ITGAV: variants seen among roughly 807,000 people sequenced by gnomAD.
The protein encoded by ITGAV is integrin alpha-V.
A neutral mutation model predicts 143.8 loss-of-function variants in ITGAV; 76 were observed. The ratio of observed to expected loss-of-function variants is 0.53; its 90% confidence interval spans 0.44 to 0.64. The LOEUF is 0.64. Among genes scored for constraint, ITGAV ranks in the 30% least tolerant of loss-of-function variants. The probability of loss-of-function intolerance (pLI) is 0.00; values close to 1 mark genes in which losing one functional copy is unlikely to be tolerated. For synonymous variants in ITGAV, 453 were observed against 446.7 expected (o/e 1.01, Z -0.18); for missense variants, 1,193 against 1,274.7 (o/e 0.94, Z 0.98).
At chr2:186,654,252 G>C (rs1688521341) in intron 15 of ITGAV, among the ~76,000 whole-genome samples, 2 of 151,198 alleles carry the variant, frequency 1.3e-5, no homozygotes, top group Admixed American at 1.3e-4. Flanking sequence ...AGAATTGCTT[G>C]AATCCAGGAG....
At chr2:186,624,197 T>C (rs1384856687) in intron 3 of ITGAV, among the ~76,000 whole-genome samples, 3 of 152,340 alleles carry the variant, frequency 2.0e-5, no homozygotes, top group African/African-American at 7.2e-5. Context: ...AAGTTGTCTT[T>C]ATGATTTCTA....
In ITGAV at chr2:186,625,581, A is replaced by G. The variant is rs749768346; in HGVS notation, c.517A>G (p.Arg173Gly). ...AAAGACTGTTGAGTATGCTCCATGT[A>G]GATCACGTATGTATAGGATATTGTA... is the stretch of plus-strand genomic sequence containing the variant. ...GTKTVEYAPC[R>G]SQDIDADGQG... is the part of the protein sequence containing the mutation. Residue 173 changes from arginine to glycine, a missense_variant, in exon 4 of 30, where the codon AGA (arginine) becomes GGA (glycine). Coordinates refer to ENST00000261023, the MANE Select transcript of ITGAV (RefSeq NM_002210.5). 1.2e-6 allele frequency: 2 copies of G among 1,607,808 alleles called. No individual in the cohort carries two copies. The highest frequency in any genetic ancestry group is 2.7e-5 in the African/African-American group (2 of 74,700).
chr2:186,641,718 G>T, intron 12 of ITGAV, 130 bp downstream of exon 12: 6 of 681,082 alleles, frequency 8.8e-6, no homozygotes, highest in Non-Finnish European at 1.5e-5. Flanking sequence ...GTGTAAGTGA[G>T]TAACACACCA....
intron 17 of ITGAV, among the ~76,000 whole-genome samples, chr2:186,657,874 A>C (rs1688633632): frequency 6.6e-6 from 1 of 152,164 alleles, no homozygotes; most frequent in Non-Finnish European, 1.5e-5. Context: ...ACAAAACGAC[A>C]AAGCCCAGAT....
At chr2:186,611,372 C>A (rs1687211871) in intron 2 of ITGAV, among the ~76,000 whole-genome samples, 3 of 152,140 alleles carry the variant, frequency 2.0e-5, no homozygotes, top group Admixed American at 2.0e-4. Context: ...TATGTATTTT[C>A]TTTTTTAATT....
chr2:186,676,020 T>A, intron 28 of ITGAV, 93 bp downstream of exon 28: 4 of 695,802 alleles, frequency 5.7e-6, no homozygotes, highest in Non-Finnish European at 9.9e-6. Context: ...ACAGCTTAAC[T>A]TTTTTGATAA....
rs1307672391 is a variant in ITGAV, at chr2:186,677,248, C to G, written c.3103C>G (p.Gln1035Glu). 2 of 1,613,732 alleles carry G rather than the reference C, an allele frequency of 1.2e-6. No homozygotes were observed. Among genetic ancestry groups the G allele is most frequent in the Non-Finnish European group, 8.5e-7 (1 of 1,179,766 alleles). The change falls in exon 30 of 30, where the codon CAG (glutamine) becomes GAG (glutamate). Residue 1035 changes from glutamine to glutamate, a missense_variant. By Grantham distance (29) the Gln-to-Glu change is conservative. Transcript: ENST00000261023. The part of the protein sequence containing the change: ...RPPQEEQERE[Q>E]LQPHENGEGN... ...ACCTCAAGAAGAACAAGAAAGGGAG[C>G]AGCTTCAACCTCATGAAAATGGTGA...
chr2:186,646,820 C>T lies in ITGAV; in HGVS notation c.1294C>T (p.Pro432Ser), dbSNP rs1688275987. The change falls in exon 13 of 30, where the codon CCA (proline) becomes TCA (serine). Residue 432 changes from proline to serine, a missense_variant. Coordinates refer to ENST00000261023, the MANE Select transcript of ITGAV (RefSeq NM_002210.5). Reference sequence around the variant, plus strand: ...GCAGTGGGCTGCTCGAAGCATGCCACCAAGCTTTGGCTATTCAATGAAAGG... The same window carrying T: ...GCAGTGGGCTGCTCGAAGCATGCCATCAAGCTTTGGCTATTCAATGAAAGG... ...EGQWAARSMP[P>S]SFGYSMKGAT... is the part of the protein sequence containing the mutation. 5.0e-6 allele frequency: 8 copies of T among 1,610,944 alleles called. No homozygotes were observed. The highest frequency in any genetic ancestry group is 6.8e-6 in the Non-Finnish European group (8 of 1,177,928).
intron 26 of ITGAV, among the ~76,000 whole-genome samples, chr2:186,672,174 TCTC>T (rs1394959630): frequency 6.6e-6 from 1 of 151,974 alleles, no homozygotes; most frequent in African/African-American, 2.4e-5. Flanking sequence ...GGATGCTTGA[TCTC>T]CTGACCTCGT....
chr2:186,615,603 T>C (rs1651195858), intron 2 of ITGAV, among the ~76,000 whole-genome samples: 2 of 152,192 alleles, frequency 1.3e-5, no homozygotes, highest in Admixed American at 1.3e-4. Context: ...TTATTTCTTC[T>C]TTGGAGAAAC....
intron 1 of ITGAV, among the ~76,000 whole-genome samples, chr2:186,596,151 T>C (rs1367776400): frequency 6.6e-6 from 1 of 152,252 alleles, no homozygotes; most frequent in Non-Finnish European, 1.5e-5. Context: ...TTATTTATTA[T>C]CACCTTCAGA....
intron 10 of ITGAV, among the ~76,000 whole-genome samples, 166 bp downstream of exon 10, chr2:186,638,631 CGTGTGT>C (rs34535817): frequency 0.12 from 17,545 of 144,712 alleles, 1,109 homozygotes; most frequent in South Asian, 0.18. Context: ...CTCTTTTGAG[CGTGTGT>C]GTGTGTGTGT....
Position 186,636,210 on chromosome 2 carries a change from A to T in ITGAV, c.757+3A>T, listed in dbSNP as rs778900176. The T allele has an allele frequency of 6.2e-7, 1 of 1,607,356 alleles. No individual in the cohort carries two copies. Among genetic ancestry groups the T allele is most frequent in the South Asian group, 1.1e-5 (1 of 89,532 alleles). ...TATTTTTGATGACAGCTATTTGGGT[A>T]GGTAAAACCAAAATTTACTCATTTT... On this transcript the variant is annotated splice_donor_region_variant and intron_variant, in intron 7 of 29. Transcript: ENST00000261023.
intron 18 of ITGAV, among the ~76,000 whole-genome samples, chr2:186,660,983 T>A (rs1688728510): frequency 6.6e-6 from 1 of 152,218 alleles, no homozygotes; most frequent in Non-Finnish European, 1.5e-5. Context: ...TTTAACTTAA[T>A]AACTTCTTGA....
rs199902091 is a variant in ITGAV at position 186,663,831 on chromosome 2, G to C, written c.1921G>C (p.Asp641His). The stretch of plus-strand genomic sequence containing the variant: ...TAAACCCAAGCTGGAAGTTTCTGTA[G>C]ATAGGTAAGTTTTGCTTGAAATAAT... ...VCKPKLEVSV[D>H]SDQKKIYIGD... The change falls in exon 19 of 30, where the codon GAT becomes CAT. Residue 641 changes from aspartate to histidine, a missense_variant. Asp to His is a moderately conservative substitution (Grantham distance 81). Transcript: ENST00000261023. The C allele has an allele frequency of 1.6e-5, 26 of 1,606,858 alleles. No individual in the cohort carries two copies. The highest frequency in any genetic ancestry group is 2.1e-5 in the Non-Finnish European group (25 of 1,173,964).
chr2:186,679,800 T>C lies in ITGAV; in HGVS notation c.*2508T>C, dbSNP rs1345419600. On this transcript the variant is annotated 3_prime_UTR_variant, in exon 30 of 30. Coordinates refer to ENST00000261023, the MANE Select transcript of ITGAV (RefSeq NM_002210.5). ...TTCTGTTTCTCTTTTCTCTTAACGA[T>C]TATCACTGTAATTCTGAATCTGAAA... The C allele has an allele frequency of 6.6e-6, 1 of 152,044 alleles. No homozygotes were observed. The highest frequency in any genetic ancestry group is 2.4e-5 in the African/African-American group (1 of 41,452). 9.4% of individuals were successfully genotyped at this position (152,044 alleles called of 1,614,324 possible).
intron 14 of ITGAV, among the ~76,000 whole-genome samples, chr2:186,651,411 T>G (rs911965855): frequency 2.2e-4 from 33 of 152,196 alleles, no homozygotes; most frequent in African/African-American, 7.5e-4. Flanking sequence ...AATTGTATAA[T>G]GTACGTGGTA....
intron 1 of ITGAV, among the ~76,000 whole-genome samples, chr2:186,596,633 A>T (rs1185019111): frequency 1.3e-5 from 2 of 151,994 alleles, no homozygotes; most frequent in African/African-American, 4.8e-5. Flanking sequence ...CCCTGACCTT[A>T]AGTGATCCTC....
chr2:186,646,359 G>T (rs1378168273), intron 12 of ITGAV, among the ~76,000 whole-genome samples: 2 of 152,118 alleles, frequency 1.3e-5, no homozygotes, highest in Non-Finnish European at 2.9e-5. Context: ...TTGTGGTCCA[G>T]AAAGTTTAAG....
Sources: gnomAD v4.1 joint callset for allele counts (sites outside exome capture counted in the v4.1 genomes callset) on GRCh38, gnomAD v4.1.1 for gene constraint, MANE v1.5 for transcripts, NCBI Gene and HGNC (gene_info 2026-07-23, HGNC 2026-07-21) for gene names.